EIF3H: variants seen among roughly 807,000 people sequenced by gnomAD.
EIF3H encodes the protein eukaryotic translation initiation factor 3 subunit H.
EIF3H carries 26 observed loss-of-function variants against 44.2 expected under a neutral mutation model. That is an observed-to-expected ratio of 0.59 (90% CI 0.43 to 0.82). EIF3H has a LOEUF of 0.82. Among genes scored for constraint, EIF3H ranks in the 40% least tolerant of loss-of-function variants. The pLI is 0.00. For missense variants in EIF3H, 359 were observed against 432.8 expected (o/e 0.83, Z 1.51); for synonymous variants, 166 against 151.9 (o/e 1.09, Z -0.68).
chr8:116,733,983 T>C (rs1385892750), intron 1 of EIF3H, among the ~76,000 whole-genome samples: 2 of 152,218 alleles, frequency 1.3e-5, no homozygotes, highest in African/African-American at 2.4e-5. Flanking sequence ...AGAAAACAGA[T>C]GGATAATCGT....
chr8:116,753,648 G>A (rs1013806501), intron 1 of EIF3H, among the ~76,000 whole-genome samples: 4 of 152,162 alleles, frequency 2.6e-5, no homozygotes, highest in Non-Finnish European at 5.9e-5. Context: ...TCTTGACTAA[G>A]CACCCTTGTG....
chr8:116,720,694 A>G (rs957873420), intron 2 of EIF3H, among the ~76,000 whole-genome samples: 1 of 152,162 alleles, frequency 6.6e-6, no homozygotes, highest in Non-Finnish European at 1.5e-5. Flanking sequence ...AATGGTTTTG[A>G]CCAAAATGCA....
At chr8:116,745,624 G>A (rs1815219406) in intron 1 of EIF3H, among the ~76,000 whole-genome samples, 1 of 152,154 alleles carries the variant, frequency 6.6e-6, no homozygotes, top group African/African-American at 2.4e-5. Flanking sequence ...CAAATCTTGG[G>A]AGGAACATAA....
intron 2 of EIF3H, among the ~76,000 whole-genome samples, chr8:116,667,407 A>C (rs993156154): frequency 6.6e-6 from 1 of 151,850 alleles, no homozygotes; most frequent in African/African-American, 2.4e-5. Flanking sequence ...AATGTAAATC[A>C]AGGAGAGAAC....
rs1308142632 is a variant in EIF3H, at chr8:116,680,035, CG to C, written c.290-21056del. On this transcript the variant is annotated intron_variant, in intron 2 of 7. Coordinates refer to ENST00000521861, the MANE Select transcript of EIF3H (RefSeq NM_003756.3). ...CCAGCCGCCCCGTCCGGGAGGGAGG[CG>C]GGGGGGGGGTCGGCCAGCCGCCCTG... Among the ~76,000 whole-genome samples the C allele has an allele frequency of 2.7e-3, 27 of 10,042 alleles. 7 individuals are homozygous for C. The highest frequency in any genetic ancestry group is 4.8e-3 in the Non-Finnish European group (18 of 3,738). The allele number at this position is 10,042 out of a possible 152,430, so 6.6% of individuals were successfully genotyped here. A position where few individuals can be genotyped will look rare whatever the true frequency, so the allele number is the denominator to read the frequency against.
In EIF3H at chr8:116,645,007, T is replaced by A; in HGVS notation, c.1058A>T (p.Ter353LeuextTer14). The A allele has an allele frequency of 6.2e-7, 1 of 1,613,052 alleles. No homozygotes were observed. The highest frequency in any genetic ancestry group is 8.5e-7 in the Non-Finnish European group (1 of 1,179,190). ...MAQALQEYNN[*>L] ...TTCTTTTCTGGAAACTTCCTTTTCTTAGTTGTTGTATTCTTGAAGAGCCTG... is the reference window on the plus strand; with the variant it reads ...TTCTTTTCTGGAAACTTCCTTTTCTAAGTTGTTGTATTCTTGAAGAGCCTG... Residue 353 changes from the stop codon to leucine (L), a stop_lost, in exon 8 of 8, where the codon TAA (stop) becomes TTA (leucine). Transcript: ENST00000521861.
intron 2 of EIF3H, among the ~76,000 whole-genome samples, chr8:116,676,135 A>G (rs566392689): frequency 3.1e-4 from 47 of 152,360 alleles, no homozygotes; most frequent in African/African-American, 1.1e-3. Flanking sequence ...AACAACAGAT[A>G]CATACGCAAT....
At chr8:116,664,066 T>C (rs1194374298) in intron 2 of EIF3H, among the ~76,000 whole-genome samples, 1 of 152,308 alleles carries the variant, frequency 6.6e-6, no homozygotes, top group East Asian at 1.9e-4. Context: ...AGAAGTTTTA[T>C]AAATCTCTTC....
intron 5 of EIF3H, among the ~76,000 whole-genome samples, chr8:116,655,522 C>T (rs943948143): frequency 2.0e-5 from 3 of 152,072 alleles, no homozygotes; most frequent in African/African-American, 4.8e-5. Flanking sequence ...CTCTTAGGAT[C>T]GTGTACAAGA....
At position 116,723,307 on chromosome 8, in the gene EIF3H, C is replaced by A. The variant is rs578028787; in HGVS notation, c.289+2709G>T. On this transcript the variant is annotated intron_variant, in intron 2 of 7. Coordinates refer to ENST00000521861, the MANE Select transcript of EIF3H (RefSeq NM_003756.3). ...TTATTTAAATATAATTAAGTACCCC[C>A]ACATATGTGCATGTATAGAGAAACA... Among the ~76,000 whole-genome samples, 220 of 152,188 alleles carry A rather than the reference C, an allele frequency of 1.4e-3. 1 individual carries two copies. Among genetic ancestry groups the A allele is most frequent in the Non-Finnish European group, 2.9e-3 (195 of 68,002 alleles).
At chr8:116,751,301 C>G (rs1416278425) in intron 1 of EIF3H, among the ~76,000 whole-genome samples, 1 of 151,942 alleles carries the variant, frequency 6.6e-6, no homozygotes, top group Non-Finnish European at 1.5e-5. Flanking sequence ...TTAAAATAAC[C>G]TGCATAAGAT....
intron 1 of EIF3H, among the ~76,000 whole-genome samples, chr8:116,736,587 G>A (rs776011402): frequency 2.8e-4 from 42 of 152,138 alleles, no homozygotes; most frequent in Admixed American, 7.9e-4. Context: ...GTTTCAACCG[G>A]GGAGGCAGAG....
intron 4 of EIF3H, among the ~76,000 whole-genome samples, chr8:116,656,826 A>G (rs146216241): frequency 1.3e-5 from 2 of 152,238 alleles, no homozygotes; most frequent in East Asian, 1.9e-4. Context: ...TAAAATGTTT[A>G]TATCTTTCCC....
chr8:116,761,016 C>A (rs977928290), intron 1 of EIF3H, among the ~76,000 whole-genome samples: 2 of 151,982 alleles, frequency 1.3e-5, no homozygotes, highest in African/African-American at 4.8e-5. Context: ...AATGAAAGAC[C>A]CATTTAGTGT....
chr8:116,724,613 A>G (rs1452975170), intron 2 of EIF3H, among the ~76,000 whole-genome samples: 1 of 152,198 alleles, frequency 6.6e-6, no homozygotes, highest in East Asian at 1.9e-4. Context: ...AAAGCCTCCA[A>G]TTTTAAAATA....
At chr8:116,758,898 T>A (rs1436611608), upstream of EIF3H, among the ~76,000 whole-genome samples, 3 of 152,200 alleles carry the variant, frequency 2.0e-5, no homozygotes. Flanking sequence ...AGTTTATAGC[T>A]AACTGCCTAC....
At chr8:116,720,590 T>C (rs1159495530) in intron 2 of EIF3H, among the ~76,000 whole-genome samples, 1 of 152,186 alleles carries the variant, frequency 6.6e-6, no homozygotes. Context: ...GAAGTGACTT[T>C]GGAAGTGGAT....
At chr8:116,725,954 A>C in intron 2 of EIF3H, 62 bp downstream of exon 2, 1 of 1,534,002 alleles carries the variant, frequency 6.5e-7, no homozygotes, top group East Asian at 2.3e-5. Context: ...AGTTATGGTG[A>C]GACCTGTGTC....
intron 2 of EIF3H, among the ~76,000 whole-genome samples, chr8:116,684,916 A>G (rs1050990872): frequency 6.6e-6 from 1 of 152,220 alleles, no homozygotes; most frequent in Non-Finnish European, 1.5e-5. Context: ...AGGAGTATGT[A>G]AATCATAAAT....
Sources: allele counts gnomAD v4.1 joint callset (sites outside exome capture counted in the v4.1 genomes callset), GRCh38; gene constraint gnomAD v4.1.1; transcripts MANE v1.5; gene names NCBI Gene and HGNC (gene_info 2026-07-23, HGNC 2026-07-21).